The following DCDC1 variants were observed in gnomAD, a reference collection of about 807,000 sequenced individuals.
The protein encoded by DCDC1 is doublecortin domain-containing protein 1.
Under a neutral mutation model 178.3 loss-of-function variants are expected in DCDC1, and 200 were observed. The observed-to-expected ratio is 1.12, with a 90% CI of 1.00 to 1.26. The LOEUF (loss-of-function observed/expected upper bound fraction) is 1.26, where lower values mean the gene tolerates loss of function less well. Ranked by LOEUF, DCDC1 falls within the 50% of genes most tolerant of loss-of-function variation. The probability of loss-of-function intolerance (pLI) is 0.00; values close to 1 mark genes in which losing one functional copy is unlikely to be tolerated. For missense variants in DCDC1, 1,983 were observed against 1,749.2 expected (o/e 1.13, Z -2.38); for synonymous variants, 690 against 604.8 (o/e 1.14, Z -2.07).
chr11:31,352,671 A>G (rs557531584), intron 1 of DCDC1, among the ~76,000 whole-genome samples: 7 of 152,308 alleles, frequency 4.6e-5, no homozygotes, highest in African/African-American at 1.2e-4. Flanking sequence ...GACGAGCTCA[A>G]TAAGTCCTTG....
At chr11:31,304,287 A>G (rs1361172230) in intron 6 of DCDC1, among the ~76,000 whole-genome samples, 3 of 152,182 alleles carry the variant, frequency 2.0e-5, no homozygotes, top group Non-Finnish European at 4.4e-5. Context: ...CTTATTAATA[A>G]CAATAATCAA....
chr11:31,157,690 C>A (rs189206810), intron 9 of DCDC1, among the ~76,000 whole-genome samples: 3 of 151,898 alleles, frequency 2.0e-5, no homozygotes, highest in Non-Finnish European at 4.4e-5. Context: ...AGGGCAGGGG[C>A]AAATGGAGGC....
At chr11:31,026,515 C>T (rs1194048266) in intron 20 of DCDC1, among the ~76,000 whole-genome samples, 1 of 151,758 alleles carries the variant, frequency 6.6e-6, no homozygotes, top group Non-Finnish European at 1.5e-5. Context: ...ATGAGAGAAC[C>T]TGAAATTAAT....
intron 13 of DCDC1, 68 bp downstream of exon 13, chr11:31,106,729 C>A: frequency 1.4e-6 from 1 of 735,500 alleles, no homozygotes; most frequent in Non-Finnish European, 2.4e-6. Flanking sequence ...CTTGACTTCT[C>A]AAATCCGCTT....
In DCDC1 at chr11:30,931,845, C is replaced by T. The variant is rs775517627; in HGVS notation, c.2823G>A (p.Leu941=). 1 of 1,613,010 alleles carries T rather than the reference C, an allele frequency of 6.2e-7. No homozygotes were observed. Among genetic ancestry groups the T allele is most frequent in the Non-Finnish European group, 8.5e-7 (1 of 1,179,384 alleles). Residue 941 remains leucine (L), a synonymous_variant, in exon 22 of 39, where the codon TTG becomes TTA. Coordinates refer to ENST00000684477, the MANE Select transcript of DCDC1 (RefSeq NM_001387274.1). The stretch of plus-strand genomic sequence containing the variant: ...TGTTTTTATTCTTCTCTCCATTCTG[C>T]AAAACTCTGAGTCGCACAGGGGCAT... The part of the protein sequence containing the change: ...EPYAPVRLRV[L]QNGEKNKNRS...
At chr11:30,947,995 C>T (rs534941634) in intron 21 of DCDC1, among the ~76,000 whole-genome samples, 77 of 152,210 alleles carry the variant, frequency 5.1e-4, no homozygotes, top group African/African-American at 1.8e-3. Context: ...TTGGAAGTGG[C>T]TGGCCCAGGG....
chr11:31,228,087 A>G (rs945645683), intron 9 of DCDC1, among the ~76,000 whole-genome samples: 1 of 152,240 alleles, frequency 6.6e-6, no homozygotes, highest in South Asian at 2.1e-4. Flanking sequence ...GAAAAACTCT[A>G]TCAACTAGCT....
chr11:30,908,406 G>A (rs1194514959), intron 29 of DCDC1, among the ~76,000 whole-genome samples: 1 of 152,004 alleles, frequency 6.6e-6, no homozygotes, highest in Non-Finnish European at 1.5e-5. Context: ...GACCTTATTT[G>A]AATCTTGACA....
intron 9 of DCDC1, among the ~76,000 whole-genome samples, chr11:31,227,912 G>C (rs1975219144): frequency 6.6e-6 from 1 of 151,818 alleles, no homozygotes; most frequent in Non-Finnish European, 1.5e-5. Flanking sequence ...GGAATAAAGA[G>C]GAACATTTCA....
Position 31,355,821 on chromosome 11 carries a change from G to A in DCDC1, c.-125+13876C>T, listed in dbSNP as rs370636635. ...CGACCTCAAGTGATCTGCCTGCCTC[G>A]ACCTCCCAAGGTGCTGGGACTACTG... is the stretch of plus-strand genomic sequence containing the variant. On this transcript the variant is annotated intron_variant, in intron 1 of 38. Transcript: ENST00000684477. Among the ~76,000 whole-genome samples the A allele has an allele frequency of 1.1e-3, 174 of 152,120 alleles. 4 individuals carry two copies. In the South Asian group the frequency reaches 0.033, roughly 29 times the overall value.
chr11:31,208,732 T>C (rs1345691428), intron 9 of DCDC1, among the ~76,000 whole-genome samples: 3 of 152,072 alleles, frequency 2.0e-5, no homozygotes, highest in African/African-American at 7.2e-5. Flanking sequence ...AATGCACCAC[T>C]CTGTCCTACA....
intron 34 of DCDC1, among the ~76,000 whole-genome samples, chr11:30,895,401 G>A (rs778062438): frequency 6.6e-6 from 1 of 152,138 alleles, no homozygotes. Flanking sequence ...ACAACAGAAG[G>A]CTTCTTAGAG....
chr11:31,314,354 C>T (rs1948939857), intron 3 of DCDC1: 1 of 152,206 alleles, frequency 6.6e-6, no homozygotes, highest in Non-Finnish European at 1.5e-5. Context: ...TACCTACCTA[C>T]CATTTACTTC....
At chr11:31,087,778 T>TA (rs34922157) in intron 17 of DCDC1, among the ~76,000 whole-genome samples, 1 of 152,292 alleles carries the variant, frequency 6.6e-6, no homozygotes, top group East Asian at 1.9e-4. Context: ...CTATGTACTT[T>TA]AAAAAATGCA....
chr11:31,312,572 G>A (rs553626872), intron 3 of DCDC1: 54 of 152,354 alleles, frequency 3.5e-4, no homozygotes, highest in African/African-American at 1.3e-3. Context: ...TCAATCTGTT[G>A]AGGGCCTGAT....
At chr11:31,240,844 T>G (rs2136890015) in intron 9 of DCDC1, among the ~76,000 whole-genome samples, 1 of 152,096 alleles carries the variant, frequency 6.6e-6, no homozygotes, top group South Asian at 2.1e-4. Context: ...CTATACATGA[T>G]TATAAAAATA....
At chr11:31,327,090 CCTCT>C (rs970892780) in intron 3 of DCDC1, among the ~76,000 whole-genome samples, 5 of 152,146 alleles carry the variant, frequency 3.3e-5, no homozygotes, top group African/African-American at 1.2e-4. Context: ...AGTTAATAAA[CCTCT>C]CTCTGCCTTT....
chr11:30,917,802 G>A (rs1055733020), intron 25 of DCDC1, among the ~76,000 whole-genome samples: 1 of 152,224 alleles, frequency 6.6e-6, no homozygotes, highest in Admixed American at 6.5e-5. Context: ...ATGCGTACCT[G>A]TAAATAAAGT....
chr11:31,101,814 C>T (rs754478534), intron 15 of DCDC1, among the ~76,000 whole-genome samples: 53 of 152,162 alleles, frequency 3.5e-4, no homozygotes, highest in African/African-American at 1.1e-3. Flanking sequence ...CAGTGGCTCA[C>T]GCCTGTAATC....
Sources: gnomAD v4.1 joint callset for allele counts (sites outside exome capture counted in the v4.1 genomes callset) on GRCh38, gnomAD v4.1.1 for gene constraint, MANE v1.5 for transcripts, NCBI Gene and HGNC (gene_info 2026-07-23, HGNC 2026-07-21) for gene names.